Variants in SESN1 observed in about 807,000 individuals in gnomAD.
SESN1 encodes the protein sestrin 1, also known as sestrin-1.
Under a neutral mutation model 59.3 loss-of-function variants are expected in SESN1, and 30 were observed. The observed-to-expected ratio is 0.51, with a 90% CI of 0.38 to 0.69. The LOEUF (loss-of-function observed/expected upper bound fraction) is 0.69. Among genes scored for constraint, SESN1 ranks in the 30% least tolerant of loss-of-function variants. The pLI, the probability that SESN1 is intolerant of heterozygous loss-of-function variation, is 0.00. For synonymous variants in SESN1, 197 were observed against 219.9 expected, an observed-to-expected ratio of 0.90 and a Z score of 0.92; for missense variants, 566 against 673.0, an observed-to-expected ratio of 0.84 and a Z score of 1.76.
intron 8 of SESN1, among the ~76,000 whole-genome samples, chr6:108,989,055 T>G (rs184566312): frequency 3.9e-5 from 6 of 152,236 alleles, no homozygotes; most frequent in Admixed American, 6.5e-5. Context: ...CAGGCTGGAG[T>G]GCAGTGGTGC....
At chr6:109,009,403 G>T in intron 1 of SESN1, 1 of 1,459,612 alleles carries the variant, frequency 6.9e-7, no homozygotes, top group South Asian at 1.3e-5. Flanking sequence ...CAGCCCAGCA[G>T]CCCCGAGACC....
chr6:108,993,571 C>T (rs2114275102), intron 6 of SESN1, among the ~76,000 whole-genome samples: 1 of 152,260 alleles, frequency 6.6e-6, no homozygotes, highest in African/African-American at 2.4e-5. Context: ...CTCTTTCTCC[C>T]ACTCTATTAT....
chr6:109,044,077 G>A (rs979230677), intron 1 of SESN1, among the ~76,000 whole-genome samples: 3 of 151,892 alleles, frequency 2.0e-5, no homozygotes, highest in Non-Finnish European at 4.4e-5. Flanking sequence ...CACTTTGGGA[G>A]GCCAAGGCAA....
At chr6:109,011,856 T>C (rs1779864633) in intron 1 of SESN1, among the ~76,000 whole-genome samples, 1 of 152,126 alleles carries the variant, frequency 6.6e-6, no homozygotes, top group South Asian at 2.1e-4. Flanking sequence ...CTCAAATTCC[T>C]GGACTCAAGC....
intron 1 of SESN1, among the ~76,000 whole-genome samples, chr6:109,087,325 T>G (rs892680222): frequency 1.3e-5 from 2 of 150,790 alleles, no homozygotes; most frequent in Non-Finnish European, 2.9e-5. Context: ...GAAAAAAAAT[T>G]GGCTGTCTTC....
chr6:109,042,837 A>T (rs1022589111), intron 1 of SESN1, among the ~76,000 whole-genome samples: 24 of 152,036 alleles, frequency 1.6e-4, no homozygotes, highest in Non-Finnish European at 2.8e-4. Flanking sequence ...GGAGGGAAAA[A>T]TTTTCAATTA....
intron 6 of SESN1, among the ~76,000 whole-genome samples, chr6:108,993,383 G>A (rs1047567166): frequency 6.6e-6 from 1 of 152,038 alleles, no homozygotes; most frequent in Admixed American, 6.6e-5. Context: ...AAGACTTTCT[G>A]GACTATCATC....
chr6:109,071,627 G>A (rs1178825071), intron 1 of SESN1, among the ~76,000 whole-genome samples: 9 of 152,128 alleles, frequency 5.9e-5, no homozygotes, highest in African/African-American at 2.2e-4. Flanking sequence ...TATTCTGGAA[G>A]CCAGACTTAA....
In SESN1 at chr6:109,029,656, C is replaced by T. The variant is rs146898078; in HGVS notation, c.280-27313G>A. ...GCTCAAGCGATCCTCCTGTCTTAGC[C>T]TCCCAAGTAGGGTTTAACAGGTGCA... On this transcript the variant is annotated intron_variant, in intron 1 of 9. Coordinates refer to ENST00000436639, the MANE Select transcript of SESN1 (RefSeq NM_014454.3). Among the ~76,000 whole-genome samples, 303 of 152,270 alleles carry T rather than the reference C, an allele frequency of 2.0e-3. 1 individual carries two copies. Among genetic ancestry groups the T allele is most frequent in the African/African-American group, 7.1e-3 (296 of 41,568 alleles).
intron 1 of SESN1, among the ~76,000 whole-genome samples, chr6:109,065,085 T>C (rs776658409): frequency 2.6e-5 from 4 of 152,132 alleles, no homozygotes; most frequent in Non-Finnish European, 4.4e-5. Context: ...TTATTTCCAA[T>C]CCCTCTCTCC....
chr6:109,031,370 C>G (rs1780179648), intron 1 of SESN1, among the ~76,000 whole-genome samples: 1 of 152,176 alleles, frequency 6.6e-6, no homozygotes, highest in Admixed American at 6.6e-5. Context: ...ATGTGCACTT[C>G]AGTGGAAGAG....
At chr6:109,073,177 G>A (rs1278635663) in intron 1 of SESN1, among the ~76,000 whole-genome samples, 1 of 151,910 alleles carries the variant, frequency 6.6e-6, no homozygotes, top group Non-Finnish European at 1.5e-5. Flanking sequence ...CTATTAAATG[G>A]GTGAATGCAT....
intron 1 of SESN1, chr6:109,059,677 A>G (rs1011581312): frequency 2.0e-5 from 3 of 152,118 alleles, no homozygotes; most frequent in African/African-American, 7.2e-5. Context: ...TACTCCTTAC[A>G]TCATACTTAG....
rs1779156956 is a variant in SESN1, at chr6:108,985,402, T to G, written c.*2142A>C. Among the ~76,000 whole-genome samples the G allele has an allele frequency of 2.0e-5, 3 of 152,200 alleles. No homozygotes were observed. Among genetic ancestry groups the G allele is most frequent in the Non-Finnish European group, 1.5e-5 (1 of 68,026 alleles). On this transcript the variant is annotated 3_prime_UTR_variant, in exon 10 of 10. Transcript: ENST00000436639. ...AGGTTTTGATATCCCCAGTGTAATGTACCTTCCCTAATTATTTTGGAAACT... is the reference window on the plus strand; with the variant it reads ...AGGTTTTGATATCCCCAGTGTAATGGACCTTCCCTAATTATTTTGGAAACT...
At chr6:109,084,440 G>A (rs1781177639) in intron 1 of SESN1, among the ~76,000 whole-genome samples, 1 of 152,142 alleles carries the variant, frequency 6.6e-6, no homozygotes, top group Admixed American at 6.6e-5. Flanking sequence ...TGTATTCCCA[G>A]CCACTTGGGA....
At chr6:109,012,976 C>T (rs1562459963) in intron 1 of SESN1, among the ~76,000 whole-genome samples, 1 of 151,562 alleles carries the variant, frequency 6.6e-6, no homozygotes, top group Non-Finnish European at 1.5e-5. Flanking sequence ...ATTAGCTGGG[C>T]GTGGTGGTGT....
intron 1 of SESN1, among the ~76,000 whole-genome samples, chr6:109,029,922 A>G (rs7759014): frequency 0.1 from 15,222 of 152,202 alleles, 924 homozygotes; most frequent in Middle Eastern, 0.19. Flanking sequence ...AGCTTCTTCA[A>G]GCTCTTAGAA....
Position 109,094,470 on chromosome 6 carries a change from A to T in SESN1, c.-397T>A, listed in dbSNP as rs2114492793. 5.8e-6 allele frequency: 1 copy of T among 173,414 alleles called. No homozygotes were observed. The highest frequency in any genetic ancestry group is 1.2e-5 in the Non-Finnish European group (1 of 81,352). The allele number at this position is 173,414 out of a possible 1,614,324, so 10.7% of individuals were successfully genotyped here. On this transcript the variant is annotated 5_prime_UTR_variant, in exon 1 of 10. An upstream start codon of the reference 5' UTR is lost. Transcript: ENST00000436639. ...GTTAACAGCTGAACGCCCTCCAGCC[A>T]TTCGGGGCTTTTTTGTCTGTGCAGC... is the stretch of plus-strand genomic sequence containing the variant.
chr6:109,029,300 A>T (rs1313217685), intron 1 of SESN1, among the ~76,000 whole-genome samples: 1 of 152,264 alleles, frequency 6.6e-6, no homozygotes, highest in Non-Finnish European at 1.5e-5. Flanking sequence ...TCACGGGTTA[A>T]AACACAGTAA....
Sources: allele counts gnomAD v4.1 joint callset (sites outside exome capture counted in the v4.1 genomes callset), GRCh38; gene constraint gnomAD v4.1.1; transcripts MANE v1.5; gene names NCBI Gene and HGNC (gene_info 2026-07-23, HGNC 2026-07-21).